The following CFAP53 variants were observed in gnomAD, a reference collection of about 807,000 sequenced individuals.
The protein encoded by CFAP53 is cilia and flagella associated protein 53.
A neutral mutation model predicts 59.7 loss-of-function variants in CFAP53; 62 were observed. The ratio of observed to expected loss-of-function variants is 1.04; its 90% CI spans 0.85 to 1.28. The LOEUF is 1.28. Among genes scored for constraint, CFAP53 ranks in the 50% most tolerant of loss-of-function variants. CFAP53 has a pLI of 0.00. For missense variants in CFAP53, 629 were observed against 615.6 expected (o/e 1.02, Z -0.23); for synonymous variants, 218 against 205.7 (o/e 1.06, Z -0.51).
At chr18:50,251,082 A>G (rs1035763464) in intron 4 of CFAP53, 106 bp from the exon 5 acceptor site, 7 of 924,122 alleles carry the variant, frequency 7.6e-6, no homozygotes, top group Admixed American at 4.0e-5. Context: ...AAATACACAC[A>G]CACCTGGATT....
intron 7 of CFAP53, among the ~76,000 whole-genome samples, chr18:50,235,934 T>A (rs991411090): frequency 2.0e-5 from 3 of 152,210 alleles, no homozygotes; most frequent in Non-Finnish European, 4.4e-5. Context: ...GATTTGTCAT[T>A]GTTGCTCTGT....
intron 6 of CFAP53, among the ~76,000 whole-genome samples, chr18:50,238,994 T>G (rs1391853831): frequency 9.3e-5 from 14 of 151,164 alleles, no homozygotes. Context: ...TTTCTCTCCT[T>G]GAAGACAAAC....
intron 3 of CFAP53, among the ~76,000 whole-genome samples, chr18:50,259,621 T>C (rs762004194): frequency 5.9e-5 from 9 of 151,968 alleles, no homozygotes; most frequent in Admixed American, 1.3e-4. Flanking sequence ...TTTAGTAGAG[T>C]TGGGTTTCAC....
At chr18:50,242,064 C>A (rs1568153037) in intron 6 of CFAP53, among the ~76,000 whole-genome samples, 2 of 152,152 alleles carry the variant, frequency 1.3e-5, no homozygotes, top group Non-Finnish European at 2.9e-5. Context: ...AAGAATTCAG[C>A]AATATTTCTC....
rs370147625 is a variant in CFAP53 at position 50,242,906 on chromosome 18, C to A, written c.1207G>T (p.Glu403Ter). ...VMCTRKLQVQ[E>*]KLQREAKEQE... Reference sequence around the variant, plus strand: ...CTGTAATTCAGTTCCTTACACTTTTCTTGAACTTGAAGTTTTCTTGTACAC... The same window carrying A: ...CTGTAATTCAGTTCCTTACACTTTTATTGAACTTGAAGTTTTCTTGTACAC... The change falls in exon 6 of 8, where the codon GAA becomes TAA. Residue 403 changes from glutamate (E) to a stop codon, truncating the protein, a stop_gained. Coordinates refer to ENST00000398545, the MANE Select transcript of CFAP53 (RefSeq NM_145020.5). LOFTEE classifies it high-confidence loss of function. 3 of 1,612,346 alleles carry A rather than the reference C, an allele frequency of 1.9e-6. No individual in the cohort carries two copies. Among genetic ancestry groups the A allele is most frequent in the Non-Finnish European group, 2.5e-6 (3 of 1,179,580 alleles).
At chr18:50,264,127 T>C (rs1036553002) in intron 1 of CFAP53, among the ~76,000 whole-genome samples, 2 of 152,236 alleles carry the variant, frequency 1.3e-5, no homozygotes, top group African/African-American at 2.4e-5. Context: ...ATATCCAAGA[T>C]GTTATCTTGT....
At chr18:50,240,305 T>C (rs1307834297) in intron 6 of CFAP53, among the ~76,000 whole-genome samples, 1 of 152,152 alleles carries the variant, frequency 6.6e-6, no homozygotes, top group Non-Finnish European at 1.5e-5. Context: ...CCTAACTCAT[T>C]CTGATTACCT....
At chr18:50,244,277 T>C (rs1301823795) in intron 5 of CFAP53, among the ~76,000 whole-genome samples, 2 of 152,146 alleles carry the variant, frequency 1.3e-5, no homozygotes, top group South Asian at 2.1e-4. Flanking sequence ...GATTGGGTCA[T>C]GGGGGTAGTT....
At chr18:50,265,921 G>A (rs1040086645) in intron 1 of CFAP53, among the ~76,000 whole-genome samples, 1 of 152,144 alleles carries the variant, frequency 6.6e-6, no homozygotes, top group Non-Finnish European at 1.5e-5. Flanking sequence ...AGGAGTGAAA[G>A]ACCAGCTCCA....
In CFAP53 at chr18:50,250,779, T is replaced by G. The variant is rs2033790328; in HGVS notation, c.975A>C (p.Ala325=). The G allele has an allele frequency of 6.2e-7, 1 of 1,614,068 alleles. No homozygotes were observed. Among genetic ancestry groups the G allele is most frequent in the Non-Finnish European group, 8.5e-7 (1 of 1,180,028 alleles). ...QRALQDLQEE[A]DKKKQKREDM... ...TTACTCTTTTTTGTTTCTTTTTATC[T>G]GCCTCTTCCTGTAAGTCTTGAAGGG... Residue 325 remains alanine (A), a synonymous_variant, in exon 5 of 8, where the codon GCA becomes GCC. Coordinates refer to ENST00000398545, the MANE Select transcript of CFAP53 (RefSeq NM_145020.5).
intron 5 of CFAP53, among the ~76,000 whole-genome samples, chr18:50,249,996 G>C (rs946024058): frequency 6.6e-6 from 1 of 152,112 alleles, no homozygotes. Flanking sequence ...GCTGAGGTGG[G>C]AGGATCACTT....
chr18:50,256,057 T>C (rs1460339232), intron 3 of CFAP53: 1 of 152,228 alleles, frequency 6.6e-6, no homozygotes, highest in Admixed American at 6.5e-5. Flanking sequence ...ATTATATTAC[T>C]ATAGGATACA....
rs1414338448 is a variant in CFAP53, at chr18:50,237,353, CGCACACATATATAT to C, written c.1316+1236_1316+1249del. ...AAATATATATATATATATATATATACGCACACATATATATACACACACACACACACATACACACA... is the reference window on the plus strand; with the variant it reads ...AAATATATATATATATATATATATACACACACACACACACACATACACACA... On this transcript the variant is annotated intron_variant, in intron 7 of 7. Coordinates refer to ENST00000398545, the MANE Select transcript of CFAP53 (RefSeq NM_145020.5). Among the ~76,000 whole-genome samples, 4 of 36,314 alleles carry C rather than the reference CGCACACATATATAT, an allele frequency of 1.1e-4. No individual in the cohort carries two copies. The East Asian group carries it at 4.7e-3, about 42-fold the overall frequency. 23.8% of individuals were successfully genotyped at this position (36,314 alleles called of 152,430 possible).
At chr18:50,232,411 G>A (rs967025308) in intron 7 of CFAP53, among the ~76,000 whole-genome samples, 11 of 152,230 alleles carry the variant, frequency 7.2e-5, no homozygotes, top group African/African-American at 2.4e-4. Context: ...AGAGGCAAGA[G>A]ACAGGCTCAA....
chr18:50,253,945 C>G (rs1167130252), intron 3 of CFAP53, among the ~76,000 whole-genome samples: 1 of 152,132 alleles, frequency 6.6e-6, no homozygotes, highest in African/African-American at 2.4e-5. Context: ...GGGGTCTAAT[C>G]ATTAACCATG....
chr18:50,258,492 T>C (rs1000923204), intron 3 of CFAP53, among the ~76,000 whole-genome samples: 2 of 152,182 alleles, frequency 1.3e-5, no homozygotes, highest in South Asian at 2.1e-4. Flanking sequence ...CCTCAAACTA[T>C]GAAACTACTA....
intron 1 of CFAP53, among the ~76,000 whole-genome samples, chr18:50,266,037 A>AT (rs2033963014): frequency 1.3e-5 from 2 of 152,214 alleles, no homozygotes; most frequent in Non-Finnish European, 2.9e-5. Context: ...GGTGTCTTGG[A>AT]GACTGAAAAA....
Position 50,242,927 on chromosome 18 carries a change from T to A in CFAP53, c.1186A>T (p.Thr396Ser). ...TTTTCTTGAACTTGAAGTTTTCTTGTACACATGACCTCATCCACAAGCTGT... is the reference window on the plus strand; with the variant it reads ...TTTTCTTGAACTTGAAGTTTTCTTGAACACATGACCTCATCCACAAGCTGT... ...RRQLVDEVMC[T>S]RKLQVQEKLQ... The change falls in exon 6 of 8, where the codon ACA becomes TCA. Residue 396 changes from threonine (T) to serine (S), a missense_variant. Transcript: ENST00000398545. 6 of 1,613,760 alleles carry A rather than the reference T, an allele frequency of 3.7e-6. No individual in the cohort carries two copies. Among genetic ancestry groups the A allele is most frequent in the Non-Finnish European group, 5.1e-6 (6 of 1,179,986 alleles).
At chr18:50,235,698 A>G (rs2033626908) in intron 7 of CFAP53, among the ~76,000 whole-genome samples, 1 of 152,340 alleles carries the variant, frequency 6.6e-6, no homozygotes, top group South Asian at 2.1e-4. Flanking sequence ...GGTATCAGCC[A>G]CTTAGAGAAC....
Sources: allele counts gnomAD v4.1 joint callset (sites outside exome capture counted in the v4.1 genomes callset), GRCh38; gene constraint gnomAD v4.1.1; transcripts MANE v1.5; gene names NCBI Gene and HGNC (gene_info 2026-07-23, HGNC 2026-07-21).